Variants in TCHH observed in about 807,000 individuals in gnomAD.
TCHH encodes trichohyalin.
In TCHH, 6 loss-of-function variants were observed where a neutral mutation model predicts 6.3. The observed-to-expected ratio is 0.95, with a 90% CI of 0.52 to 1.88. The LOEUF is 1.88. Ranked by LOEUF, TCHH falls within the 40% of genes most tolerant of loss-of-function variation. The probability of loss-of-function intolerance (pLI) is 0.01; values close to 1 mark genes in which losing one functional copy is unlikely to be tolerated. For synonymous variants in TCHH, 1,087 were observed against 963.6 expected, an observed-to-expected ratio of 1.13 and a Z score of -2.37; for missense variants, 2,920 against 2,449.1, an observed-to-expected ratio of 1.19 and a Z score of -4.06.
chr1:152,106,697 A>C lies in TCHH; in HGVS notation c.*688T>G, dbSNP rs1658114959. 1 of 152,254 alleles carries C rather than the reference A, an allele frequency of 6.6e-6. No homozygotes were observed. The allele number at this position is 152,254 out of a possible 1,614,324, so 9.4% of individuals were successfully genotyped here. A position where few individuals can be genotyped will look rare whatever the true frequency, so the allele number is the denominator to read the frequency against. On this transcript the variant is annotated 3_prime_UTR_variant, in exon 3 of 3. Transcript: ENST00000614923. ...TTGAGAAACACCTCATTATTTCTTC[A>C]TGAGATTATGTGTTTAAGTGGAGTT...
chr1:152,109,859 C>T lies in TCHH; in HGVS notation c.3358G>A (p.Glu1120Lys), dbSNP rs376652075. The T allele has an allele frequency of 6.2e-7, 1 of 1,603,194 alleles. No homozygotes were observed. The highest frequency in any genetic ancestry group is 8.5e-7 in the Non-Finnish European group (1 of 1,177,010). Reference sequence around the variant, plus strand: ...CGTTCCTCTCTCAGCAGCTGCTCTTCCTCCTGCTGCAGCTCCTCTTCCTCC... The same window carrying T: ...CGTTCCTCTCTCAGCAGCTGCTCTTTCTCCTGCTGCAGCTCCTCTTCCTCC... ...CREEEELQQEEEQLLREEREK... is the reference protein window; with the variant it reads ...CREEEELQQEKEQLLREEREK... Residue 1120 changes from glutamate to lysine, a missense_variant, in exon 3 of 3, where the codon GAA becomes AAA. Transcript: ENST00000614923.
Position 152,112,411 on chromosome 1 carries a change from C to T in TCHH, c.806G>A (p.Arg269Lys). ...CTGCTCTTCTTCCTCCTGGAGCTCT[C>T]TTTGCCGCTGCGGCTCCTCTTCCTG... is the stretch of plus-strand genomic sequence containing the variant. ...KLQEEEPQRQ[R>K]ELQEEEEQLR... The change falls in exon 3 of 3, where the codon AGA (arginine) becomes AAA (lysine). Residue 269 changes from arginine to lysine, a missense_variant. Coordinates refer to ENST00000614923, the MANE Select transcript of TCHH (RefSeq NM_007113.4). 3 of 1,613,896 alleles carry T rather than the reference C, an allele frequency of 1.9e-6. No homozygotes were observed. Among genetic ancestry groups the T allele is most frequent in the Non-Finnish European group, 2.5e-6 (3 of 1,180,000 alleles).
chr1:152,112,218 C>G lies in TCHH; in HGVS notation c.999G>C (p.Glu333Asp), dbSNP rs1245246166. Residue 333 changes from glutamate (E) to aspartate (D), a missense_variant, in exon 3 of 3, where the codon GAG (glutamate) becomes GAC (aspartate). Glu to Asp is a conservative substitution (Grantham distance 45). Coordinates refer to ENST00000614923, the MANE Select transcript of TCHH (RefSeq NM_007113.4). ...EQQERREQQE[E>D]RREQQLRREQ... ...CGCGCCTCAGCTGCTGCTCGCGCCT[C>G]TCCTCCTGCTGCTCGCGCCTCTCCT... 6.7e-7 allele frequency: 1 copy of G among 1,482,192 alleles called. No individual in the cohort carries two copies. 91.8% of individuals were successfully genotyped at this position (1,482,192 alleles called of 1,614,324 possible). A position where few individuals can be genotyped will look rare whatever the true frequency, so the allele number is the denominator to read the frequency against.
Position 152,111,762 on chromosome 1 carries a change from G to T in TCHH, c.1455C>A (p.Arg485=), listed in dbSNP as rs1356937219. The T allele has an allele frequency of 6.4e-7, 1 of 1,554,544 alleles. No individual in the cohort carries two copies. The part of the protein sequence containing the change: ...QLKRDQEEER[R]ERWLKLEEEE... ...CCTCCTCGAGCTTCAGCCAACGTTC[G>T]CGCCTCTCCTCCTCCTGGTCGCGCT... Residue 485 remains arginine (R), a synonymous_variant, in exon 3 of 3, where the codon CGC becomes CGA. Transcript: ENST00000614923.
Position 152,111,116 on chromosome 1 carries a change from T to G in TCHH, c.2101A>C (p.Ile701Leu). Residue 701 changes from isoleucine (I) to leucine (L), a missense_variant, in exon 3 of 3, where the codon ATC (isoleucine) becomes CTC (leucine). Physicochemically the swap from Ile to Leu is conservative, Grantham distance 5 (BLOSUM62 2). Coordinates refer to ENST00000614923, the MANE Select transcript of TCHH (RefSeq NM_007113.4). ...TCTAGCTGCCACTGCCACTTCGGGA[T>G]GCGGCTCTTAATCCGCTCCCGGGCC... ...EQARERIKSRIPKWQWQLESE... is the reference protein window; with the variant it reads ...EQARERIKSRLPKWQWQLESE... The G allele has an allele frequency of 6.2e-7, 1 of 1,613,752 alleles. No individual in the cohort carries two copies.
rs745431884 is a variant in TCHH, at chr1:152,108,792, T to G, written c.4425A>C (p.Glu1475Asp). Residue 1475 changes from glutamate to aspartate, a missense_variant, in exon 3 of 3, where the codon GAA (glutamate) becomes GAC (aspartate). Glu to Asp is a conservative substitution (Grantham distance 45). Transcript: ENST00000614923. ...EEEQLLQERE[E>D]QQLHRQERDR... is the part of the protein sequence containing the mutation. ...CACGCTCTTGGCGGTGCAGCTGCTGTTCTTCCCTTTCCTGGAGCAGCTGTT... is the reference window on the plus strand; with the variant it reads ...CACGCTCTTGGCGGTGCAGCTGCTGGTCTTCCCTTTCCTGGAGCAGCTGTT... 6.2e-7 allele frequency: 1 copy of G among 1,612,696 alleles called. No homozygotes were observed. Among genetic ancestry groups the G allele is most frequent in the South Asian group, 1.1e-5 (1 of 91,002 alleles).
At position 152,107,526 on chromosome 1, in the gene TCHH, T is replaced by C; in HGVS notation, c.5691A>G (p.Gln1897=). Residue 1897 remains glutamine (Q), a synonymous_variant, in exon 3 of 3, where the codon CAA becomes CAG. Coordinates refer to ENST00000614923, the MANE Select transcript of TCHH (RefSeq NM_007113.4). ...CTTCTTGGGATTTTATCTCCCCGAC[T>C]TGGCGGTGCCTCTGTTCCTCCTTCT... is the stretch of plus-strand genomic sequence containing the variant. ...RQQKEEQRHR[Q]VGEIKSQEGK... is the part of the protein sequence containing the mutation. 1.9e-6 allele frequency: 3 copies of C among 1,614,238 alleles called. No individual in the cohort carries two copies. Among genetic ancestry groups the C allele is most frequent in the Non-Finnish European group, 2.5e-6 (3 of 1,180,042 alleles).
At position 152,114,131 on chromosome 1, in the gene TCHH, T is replaced by G; in HGVS notation, c.-31-20A>C. 1 of 1,538,218 alleles carries G rather than the reference T, an allele frequency of 6.5e-7. No individual in the cohort carries two copies. The highest frequency in any genetic ancestry group is 2.3e-5 in the East Asian group (1 of 43,852). Reference sequence around the variant, plus strand: ...GTAAACCTAGAACAATAAAATAAGATCCAGAATCAAAATCCCGTTTCTGCT... The same window carrying G: ...GTAAACCTAGAACAATAAAATAAGAGCCAGAATCAAAATCCCGTTTCTGCT... On this transcript the variant is annotated intron_variant, in intron 1 of 2. Transcript: ENST00000614923.
At position 152,109,459 on chromosome 1, in the gene TCHH, A is replaced by G. The variant is rs368802356; in HGVS notation, c.3758T>C (p.Leu1253Ser). The G allele has an allele frequency of 2.4e-5, 39 of 1,614,118 alleles. No individual in the cohort carries two copies. Among genetic ancestry groups the G allele is most frequent in the Non-Finnish European group, 3.2e-5 (38 of 1,180,046 alleles). ...KGRENEQFRQ[L>S]EDSQLRDRQS... ...TCTGTCGCGCAGCTGGGAATCTTCC[A>G]ACTGCCGGAACTGTTCATTCTCTCT... Residue 1253 changes from leucine to serine, a missense_variant, in exon 3 of 3, where the codon TTG (leucine) becomes TCG (serine). By Grantham distance (145) the Leu-to-Ser change is moderately radical (BLOSUM62 -2). Coordinates refer to ENST00000614923, the MANE Select transcript of TCHH (RefSeq NM_007113.4).
In TCHH at chr1:152,108,573, C is replaced by T; in HGVS notation, c.4644G>A (p.Gln1548=). The change falls in exon 3 of 3, where the codon CAG becomes CAA. Residue 1548 remains glutamine, a synonymous_variant. Coordinates refer to ENST00000614923, the MANE Select transcript of TCHH (RefSeq NM_007113.4). ...QQLRRQERGQ[Q]RRQDRDRKFR... Reference sequence around the variant, plus strand: ...ATTTTCTGTCACGGTCCTGACGCCGCTGTTGCCCGCGCTCCTGGCGGCGCA... The same window carrying T: ...ATTTTCTGTCACGGTCCTGACGCCGTTGTTGCCCGCGCTCCTGGCGGCGCA... 6.2e-7 allele frequency: 1 copy of T among 1,607,742 alleles called. No homozygotes were observed.
At position 152,108,885 on chromosome 1, in the gene TCHH, TC is replaced by T. The variant is rs1214057671; in HGVS notation, c.4331del (p.Arg1444GlnfsTer129). The T allele has an allele frequency of 1.9e-6, 3 of 1,605,714 alleles. No individual in the cohort carries two copies. The highest frequency in any genetic ancestry group is 2.5e-6 in the Non-Finnish European group (3 of 1,177,594). The stretch of plus-strand genomic sequence containing the variant: ...GTTCCTCCTCCAGGAATTTTCTCTC[TC>T]GTTCCTGGCGGCGCACCTGCTGTTC... ...EEEQQVRRQE[R>X]ERKFLEEEQQ... On this transcript the variant is annotated frameshift_variant, in exon 3 of 3. Coordinates refer to ENST00000614923, the MANE Select transcript of TCHH (RefSeq NM_007113.4). LOFTEE classifies it low-confidence loss of function (END_TRUNC).
rs769393312 is a variant in TCHH at position 152,108,391 on chromosome 1, C to T, written c.4826G>A (p.Gly1609Asp). 2 of 1,605,378 alleles carry T rather than the reference C, an allele frequency of 1.2e-6. No individual in the cohort carries two copies. The highest frequency in any genetic ancestry group is 1.4e-5 in the African/African-American group (1 of 72,314). Residue 1609 changes from glycine to aspartate, a missense_variant, in exon 3 of 3, where the codon GGC (glycine) becomes GAC (aspartate). Transcript: ENST00000614923. ...EDEQQLRRQE[G>D]QQQLRQERDR... ...GCGCTCCTGGCGCAGCTGTTGTTGG[C>T]CCTCCTGGCGGCGCAGCTGCTGTTC...
At chr1:152,114,915 A>G (rs1658473728) in intron 1 of TCHH, among the ~76,000 whole-genome samples, 1 of 152,224 alleles carries the variant, frequency 6.6e-6, no homozygotes, top group South Asian at 2.1e-4. Context: ...TTTTTATAAA[A>G]CATTAGCCAG....
chr1:152,107,528 G>C lies in TCHH; in HGVS notation c.5689C>G (p.Gln1897Glu), dbSNP rs1212936017. The C allele has an allele frequency of 2.4e-5, 38 of 1,614,064 alleles. No homozygotes were observed. The highest frequency in any genetic ancestry group is 3.1e-5 in the Non-Finnish European group (37 of 1,180,038). The change falls in exon 3 of 3, where the codon CAA (glutamine) becomes GAA (glutamate). Residue 1897 changes from glutamine (Q) to glutamate (E), a missense_variant. Gln to Glu is a conservative substitution (Grantham distance 29). Transcript: ENST00000614923. ...TCTTGGGATTTTATCTCCCCGACTT[G>C]GCGGTGCCTCTGTTCCTCCTTCTGC... is the stretch of plus-strand genomic sequence containing the variant. ...RQQKEEQRHR[Q>E]VGEIKSQEGK...
rs753270439 is a variant in TCHH, at chr1:152,112,863, GTCT to G, written c.351_353del (p.Glu117del). On this transcript the variant is annotated inframe_deletion, in exon 3 of 3. Coordinates refer to ENST00000614923, the MANE Select transcript of TCHH (RefSeq NM_007113.4). Reference sequence around the variant, plus strand: ...TGTCCCGGGGCTCGAATCTCCTTTGGTCTTCTTCTTGCCTGCGATCTTGTAACA... The same window carrying G: ...TGTCCCGGGGCTCGAATCTCCTTTGGTCTTCTTGCCTGCGATCTTGTAACA... The G allele has an allele frequency of 6.8e-5, 109 of 1,613,652 alleles. 1 individual carries two copies. The Middle Eastern group carries it at 8.2e-4, about 12-fold the overall frequency.
In TCHH at chr1:152,111,653, G is replaced by A; in HGVS notation, c.1564C>T (p.Gln522Ter). 1 of 1,497,324 alleles carries A rather than the reference G, an allele frequency of 6.7e-7. No homozygotes were observed. The highest frequency in any genetic ancestry group is 9.0e-7 in the Non-Finnish European group (1 of 1,108,072). The allele number at this position is 1,497,324 out of a possible 1,614,324, so 92.8% of individuals were successfully genotyped here. Residue 522 changes from glutamine (Q) to a stop codon, truncating the protein, a stop_gained, in exon 3 of 3, where the codon CAG becomes TAG. Transcript: ENST00000614923. LOFTEE classifies it low-confidence loss of function (END_TRUNC). ...EERREQRLKR[Q>*]EEEERLQQRL... is the part of the protein sequence containing the mutation. Reference sequence around the variant, plus strand: ...TGCTGGAGCCTCTCTTCCTCCTCCTGGCGCTTCAGCCGCTGCTCGCGCCTC... The same window carrying A: ...TGCTGGAGCCTCTCTTCCTCCTCCTAGCGCTTCAGCCGCTGCTCGCGCCTC...
Position 152,107,936 on chromosome 1 carries a change from C to A in TCHH, c.5281G>T (p.Glu1761Ter). The A allele has an allele frequency of 6.2e-7, 1 of 1,613,686 alleles. No homozygotes were observed. Among genetic ancestry groups the A allele is most frequent in the African/African-American group, 1.3e-5 (1 of 74,882 alleles). ...CGCTCCTGGCGGCGCAGCTGCTGTT[C>A]TTCCCTTTCCGGACGGAGCTGCTCT... ...EEEQLRPERE[E>*]QQLRRQERDR... The change falls in exon 3 of 3, where the codon GAA (glutamate) becomes TAA (stop). Residue 1761 changes from glutamate (E) to a stop codon, truncating the protein, a stop_gained. Transcript: ENST00000614923. LOFTEE classifies it low-confidence loss of function (END_TRUNC).
chr1:152,110,033 G>A lies in TCHH; in HGVS notation c.3184C>T (p.Gln1062Ter). The A allele has an allele frequency of 3.1e-6, 5 of 1,606,606 alleles. No individual in the cohort carries two copies. Among genetic ancestry groups the A allele is most frequent in the Non-Finnish European group, 4.2e-6 (5 of 1,177,494 alleles). Reference protein sequence around the residue: ...EEEELQQEEEQLLGEERETRR... With the variant: ...EEEELQQEEE Reference sequence around the variant, plus strand: ...GTCTCCCGTTCCTCTCCCAGCAGCTGCTCTTCCTCCTGCTGCAGCTCCTCT... The same window carrying A: ...GTCTCCCGTTCCTCTCCCAGCAGCTACTCTTCCTCCTGCTGCAGCTCCTCT... The change falls in exon 3 of 3, where the codon CAG becomes TAG. Residue 1062 changes from glutamine (Q) to a stop codon, truncating the protein, a stop_gained. Transcript: ENST00000614923. LOFTEE classifies it low-confidence loss of function (END_TRUNC).
Position 152,108,804 on chromosome 1 carries a change from C to T in TCHH, c.4413G>A (p.Gln1471=), listed in dbSNP as rs71625151. Residue 1471 remains glutamine, a synonymous_variant, in exon 3 of 3, where the codon CAG becomes CAA. Coordinates refer to ENST00000614923, the MANE Select transcript of TCHH (RefSeq NM_007113.4). ...GGTGCAGCTGCTGTTCTTCCCTTTC[C>T]TGGAGCAGCTGTTCCTCTTCGCGGA... ...RKFREEEQLL[Q]EREEQQLHRQ... 1 of 1,610,832 alleles carries T rather than the reference C, an allele frequency of 6.2e-7. No individual in the cohort carries two copies. Among genetic ancestry groups the T allele is most frequent in the Non-Finnish European group, 8.5e-7 (1 of 1,179,422 alleles).
Sources: allele counts gnomAD v4.1 joint callset (sites outside exome capture counted in the v4.1 genomes callset), GRCh38; gene constraint gnomAD v4.1.1; transcripts MANE v1.5; gene names NCBI Gene and HGNC (gene_info 2026-07-23, HGNC 2026-07-21).